The following PLXNC1 variants were observed in gnomAD, a reference collection of about 807,000 sequenced individuals.
The protein encoded by PLXNC1 is plexin C1.
A neutral mutation model predicts 178.2 loss-of-function variants in PLXNC1; 75 were observed. The observed-to-expected ratio is 0.42, with a 90% CI of 0.35 to 0.51. The LOEUF (loss-of-function observed/expected upper bound fraction) is 0.51. Among genes scored for constraint, PLXNC1 ranks in the 20% least tolerant of loss-of-function variants. The pLI is 0.02. For synonymous variants in PLXNC1, 790 were observed against 779.9 expected (o/e 1.01, Z -0.22); for missense variants, 1,503 against 1,984.4 (o/e 0.76, Z 4.61).
At chr12:94,245,898 A>T (rs1391207668) in intron 12 of PLXNC1, among the ~76,000 whole-genome samples, 1 of 152,230 alleles carries the variant, frequency 6.6e-6, no homozygotes, top group Non-Finnish European at 1.5e-5. Flanking sequence ...GAGCCACTGA[A>T]GATCTCTGAG....
rs1046963141 is a variant in PLXNC1 at position 94,169,358 on chromosome 12, A to G, written c.1203+65A>G. ...GTGATATTTTGTACTTTAAAAAAACATTTTTTTAATGCTTCTGGGTTATAC... is the reference window on the plus strand; with the variant it reads ...GTGATATTTTGTACTTTAAAAAAACGTTTTTTTAATGCTTCTGGGTTATAC... On this transcript the variant is annotated intron_variant, in intron 2 of 30. Coordinates refer to ENST00000258526, the MANE Select transcript of PLXNC1 (RefSeq NM_005761.3). 1.4e-5 allele frequency: 19 copies of G among 1,327,814 alleles called. 1 individual carries two copies. In the Admixed American group the frequency reaches 3.4e-4, roughly 24 times the overall value. 82.3% of individuals were successfully genotyped at this position (1,327,814 alleles called of 1,614,324 possible). A position where few individuals can be genotyped will look rare whatever the true frequency, so the allele number is the denominator to read the frequency against.
intron 9 of PLXNC1, among the ~76,000 whole-genome samples, chr12:94,231,209 G>A (rs1378320634): frequency 1.3e-5 from 2 of 152,092 alleles, no homozygotes; most frequent in Non-Finnish European, 2.9e-5. Context: ...GCTGGAGATG[G>A]CATTTCAGCC....
chr12:94,261,139 G>A (rs1592822962), intron 20 of PLXNC1, among the ~76,000 whole-genome samples: 2 of 139,370 alleles, frequency 1.4e-5, no homozygotes, highest in East Asian at 4.0e-4. Context: ...AAAATGTACT[G>A]AGAAAAGGGA....
rs552498404 is a variant in PLXNC1 at position 94,164,107 on chromosome 12, T to G, written c.1063-5046T>G. On this transcript the variant is annotated intron_variant, in intron 1 of 30. Coordinates refer to ENST00000258526, the MANE Select transcript of PLXNC1 (RefSeq NM_005761.3). ...TAAGGCACAGAGCAGGGGCCAGAAC[T>G]TGGGTGCAGGGCTCCTTCAGGGGTT... Among the ~76,000 whole-genome samples the G allele has an allele frequency of 2.0e-5, 3 of 152,232 alleles. No individual in the cohort carries two copies. The South Asian group carries it at 6.2e-4, about 32-fold the overall frequency.
chr12:94,183,109 G>A (rs576002411), intron 3 of PLXNC1, among the ~76,000 whole-genome samples: 1 of 152,338 alleles, frequency 6.6e-6, no homozygotes, highest in Admixed American at 6.5e-5. Context: ...TATAATGGAT[G>A]TAACAGATAC....
At chr12:94,188,517 T>C (rs143462256) in intron 4 of PLXNC1, among the ~76,000 whole-genome samples, 1,964 of 151,908 alleles carry the variant, frequency 0.013, 35 homozygotes, top group African/African-American at 0.045. Context: ...AGAGATGGGG[T>C]TTCACCATGT....
chr12:94,230,967 G>C (rs1047012156), intron 9 of PLXNC1, among the ~76,000 whole-genome samples: 16 of 152,142 alleles, frequency 1.1e-4, no homozygotes, highest in Admixed American at 1.0e-3. Context: ...GGATTCAGAT[G>C]AATCAGGCAC....
intron 21 of PLXNC1, among the ~76,000 whole-genome samples, chr12:94,270,647 G>T (rs61927164): frequency 0.019 from 2,954 of 152,038 alleles, 34 homozygotes; most frequent in South Asian, 0.046. Context: ...GTTATCTTGG[G>T]CTAAATCAGA....
At chr12:94,187,194 A>AGAGAGAGAGAGAG (rs1301534152) in intron 4 of PLXNC1, among the ~76,000 whole-genome samples, 5 of 147,072 alleles carry the variant, frequency 3.4e-5, no homozygotes, top group African/African-American at 1.3e-4. Flanking sequence ...GAGAGAGAGA[A>AGAGAGAGAGAGAG]AAAAAAACCC....
chr12:94,290,200 A>T (rs186797528), intron 23 of PLXNC1, among the ~76,000 whole-genome samples: 164 of 152,350 alleles, frequency 1.1e-3, no homozygotes, highest in Non-Finnish European at 1.6e-3. Flanking sequence ...CCTTTTATAA[A>T]AAGATATTTA....
intron 23 of PLXNC1, among the ~76,000 whole-genome samples, chr12:94,283,498 C>A (rs563569491): frequency 1.6e-4 from 25 of 152,318 alleles, no homozygotes; most frequent in Admixed American, 4.6e-4. Context: ...ATTGCCTAGA[C>A]AGAGCTGATT....
intron 4 of PLXNC1, among the ~76,000 whole-genome samples, chr12:94,202,720 ACGAGGC>A (rs1242998102): frequency 6.6e-6 from 1 of 152,216 alleles, no homozygotes; most frequent in African/African-American, 2.4e-5. Context: ...CCTGCTCTCC[ACGAGGC>A]ACTATGGAAT....
At chr12:94,177,513 AAGAG>A (rs972696544) in intron 2 of PLXNC1, among the ~76,000 whole-genome samples, 3 of 129,412 alleles carry the variant, frequency 2.3e-5, no homozygotes, top group Non-Finnish European at 3.3e-5. Context: ...CAAAGAAAGA[AAGAG>A]AGAGAGAGGG....
intron 21 of PLXNC1, among the ~76,000 whole-genome samples, chr12:94,278,954 C>CA (rs1190596813): frequency 2.0e-5 from 3 of 151,690 alleles, no homozygotes; most frequent in African/African-American, 7.3e-5. Context: ...GCCAAGATAG[C>CA]ACCATTGAAC....
chr12:94,284,183 G>C (rs1460461892), intron 23 of PLXNC1, among the ~76,000 whole-genome samples: 1 of 152,070 alleles, frequency 6.6e-6, no homozygotes, highest in Non-Finnish European at 1.5e-5. Flanking sequence ...AGCAATTTGG[G>C]GAGAGTCAGA....
intron 8 of PLXNC1, 88 bp downstream of exon 8, chr12:94,226,795 G>C: frequency 1.1e-6 from 1 of 940,280 alleles, no homozygotes; most frequent in Non-Finnish European, 1.7e-6. Flanking sequence ...AGGTCGAGGC[G>C]GGTGGATCAA....
chr12:94,216,249 CAA>C (rs1963642714), intron 5 of PLXNC1, among the ~76,000 whole-genome samples: 1 of 135,012 alleles, frequency 7.4e-6, no homozygotes, highest in South Asian at 2.6e-4. Context: ...GCCTGGCTGA[CAA>C]GAGCAAAACT....
At chr12:94,271,055 T>C (rs1442599642) in intron 21 of PLXNC1, among the ~76,000 whole-genome samples, 2 of 152,226 alleles carry the variant, frequency 1.3e-5, no homozygotes, top group African/African-American at 2.4e-5. Context: ...TCTACGGAAC[T>C]TCTGAAACTG....
intron 21 of PLXNC1, among the ~76,000 whole-genome samples, chr12:94,275,915 AT>A (rs1308556909): frequency 6.6e-6 from 1 of 151,622 alleles, no homozygotes; most frequent in Non-Finnish European, 1.5e-5. Context: ...TGTTAGCAGC[AT>A]GAAAAATGAA....
Sources: gnomAD v4.1 joint callset for allele counts (sites outside exome capture counted in the v4.1 genomes callset) on GRCh38, gnomAD v4.1.1 for gene constraint, MANE v1.5 for transcripts, NCBI Gene and HGNC (gene_info 2026-07-23, HGNC 2026-07-21) for gene names.